Variants in TMEM222 observed in about 807,000 individuals in gnomAD.
TMEM222 encodes the protein transmembrane protein 222.
TMEM222 carries 18 observed loss-of-function variants against 25.1 expected under a neutral mutation model. The observed-to-expected ratio is 0.72, with a 90% CI of 0.50 to 1.06. TMEM222 has a LOEUF of 1.06. Ranked by LOEUF, TMEM222 falls within the 50% of genes least tolerant of loss-of-function variation. The pLI, the probability that TMEM222 is intolerant of heterozygous loss-of-function variation, is 0.00. For synonymous variants in TMEM222, 131 were observed against 117.9 expected, an observed-to-expected ratio of 1.11 and a Z score of -0.72; for missense variants, 296 against 293.7, an observed-to-expected ratio of 1.01 and a Z score of -0.06.
intron 1 of TMEM222, among the ~76,000 whole-genome samples, chr1:27,328,973 T>C (rs1220975243): frequency 6.6e-6 from 1 of 152,218 alleles, no homozygotes; most frequent in Non-Finnish European, 1.5e-5. Context: ...TGTAGGGCCA[T>C]GGTTCTCAGA....
intron 1 of TMEM222, chr1:27,325,437 T>C (rs1193749885): frequency 8.2e-7 from 1 of 1,219,226 alleles, no homozygotes; most frequent in African/African-American, 1.5e-5. Flanking sequence ...GCGGTTCCAG[T>C]GTCCGGAGGC....
At chr1:27,325,482 T>C in intron 1 of TMEM222, 3 of 1,448,882 alleles carry the variant, frequency 2.1e-6, no homozygotes, top group East Asian at 2.3e-5. Context: ...TATGGAATCT[T>C]GCGGCATCCA....
chr1:27,333,841 A>C (rs1466423163), intron 3 of TMEM222, 117 bp from the exon 4 acceptor site: 1 of 830,640 alleles, frequency 1.2e-6, no homozygotes, highest in African/African-American at 1.7e-5. Flanking sequence ...GATCTGGCTT[A>C]CTGTACATCT....
At chr1:27,326,958 G>A (rs1335539748) in intron 1 of TMEM222, among the ~76,000 whole-genome samples, 1 of 150,760 alleles carries the variant, frequency 6.6e-6, no homozygotes, top group African/African-American at 2.4e-5. Flanking sequence ...CACAGCTGTG[G>A]CGTGTGGAAT....
At chr1:27,325,620 A>G (rs2014324570) in intron 1 of TMEM222, 2 of 888,614 alleles carry the variant, frequency 2.3e-6, no homozygotes, top group Non-Finnish European at 3.8e-6. Context: ...GAAGGAGATT[A>G]ACGCCCTGGC....
At chr1:27,332,003 C>T in intron 2 of TMEM222, 67 bp from the exon 3 acceptor site, 2 of 1,573,756 alleles carry the variant, frequency 1.3e-6, no homozygotes, top group Non-Finnish European at 1.7e-6. Context: ...CTTCTGCCAC[C>T]TACCCAGGTT....
At chr1:27,325,187 A>C in intron 1 of TMEM222, 1 of 387,294 alleles carries the variant, frequency 2.6e-6, no homozygotes, top group South Asian at 2.2e-5. Context: ...CCCCTCAGAG[A>C]TGTTGGTAAT....
Position 27,330,804 on chromosome 1 carries a change from A to G in TMEM222, c.279A>G (p.Ser93=), listed in dbSNP as rs775150338. 15 of 1,614,050 alleles carry G rather than the reference A, an allele frequency of 9.3e-6. No individual in the cohort carries two copies. In the South Asian group the frequency reaches 1.6e-4, roughly 18 times the overall value. Residue 93 remains serine (S), a splice_region_variant and synonymous_variant, in exon 2 of 6, where the codon TCA becomes TCG. Coordinates refer to ENST00000374076, the MANE Select transcript of TMEM222 (RefSeq NM_032125.3). ...IRDFAGPYFV[S]EDNMAFGKPA... Reference sequence around the variant, plus strand: ...ACTTCGCGGGCCCCTACTTTGTCTCAGTGAGTCCCCATTCTGCCCACCCGG... The same window carrying G: ...ACTTCGCGGGCCCCTACTTTGTCTCGGTGAGTCCCCATTCTGCCCACCCGG...
chr1:27,332,237 G>C, intron 3 of TMEM222, 136 bp downstream of exon 3: 1 of 1,024,990 alleles, frequency 9.8e-7, no homozygotes, highest in Non-Finnish European at 1.5e-6. Flanking sequence ...GTCAGCCAGG[G>C]TCCACCAGAG....
intron 1 of TMEM222, among the ~76,000 whole-genome samples, chr1:27,323,571 C>T (rs1034521156): frequency 4.6e-5 from 7 of 151,790 alleles, no homozygotes; most frequent in East Asian, 2.0e-4. Flanking sequence ...GTAGGTAGTT[C>T]GAGACCAACC....
intron 3 of TMEM222, 142 bp downstream of exon 3, chr1:27,332,243 C>T: frequency 1.1e-6 from 1 of 919,290 alleles, no homozygotes; most frequent in Non-Finnish European, 1.8e-6. Context: ...CAGGGTCCAC[C>T]AGAGCATGGC....
At chr1:27,327,931 A>G (rs2014392066) in intron 1 of TMEM222, among the ~76,000 whole-genome samples, 1 of 152,258 alleles carries the variant, frequency 6.6e-6, no homozygotes, top group African/African-American at 2.4e-5. Context: ...TAAATGCAGG[A>G]TGTTCATTCA....
Position 27,335,589 on chromosome 1 carries a change from G to T in TMEM222, c.*123G>T, listed in dbSNP as rs1167175703. 14 of 932,832 alleles carry T rather than the reference G, an allele frequency of 1.5e-5. No homozygotes were observed. Among genetic ancestry groups the T allele is most frequent in the Non-Finnish European group, 2.3e-5 (14 of 606,058 alleles). The allele number at this position is 932,832 out of a possible 1,614,324, so 57.8% of individuals were successfully genotyped here. A position where few individuals can be genotyped will look rare whatever the true frequency, so the allele number is the denominator to read the frequency against. ...TTGGGCCTGCTGTTGTGGACCGGGGGTCGGGGCTGGCAGGATGGAAGGACT... is the reference window on the plus strand; with the variant it reads ...TTGGGCCTGCTGTTGTGGACCGGGGTTCGGGGCTGGCAGGATGGAAGGACT... On this transcript the variant is annotated 3_prime_UTR_variant, in exon 6 of 6. Transcript: ENST00000374076.
intron 1 of TMEM222, among the ~76,000 whole-genome samples, chr1:27,322,763 A>G (rs1233398664): frequency 6.6e-6 from 1 of 152,158 alleles, no homozygotes; most frequent in African/African-American, 2.4e-5. Context: ...GTCGCTTACC[A>G]TATTCCAGAC....
intron 3 of TMEM222, chr1:27,332,806 C>T (rs918284104): frequency 4.4e-6 from 2 of 452,574 alleles, no homozygotes; most frequent in African/African-American, 4.0e-5. Context: ...GCAGTGTAGT[C>T]CAGGAGTCTC....
At chr1:27,323,086 C>CTGGACAG (rs879742562) in intron 1 of TMEM222, among the ~76,000 whole-genome samples, 9 of 152,214 alleles carry the variant, frequency 5.9e-5, no homozygotes, top group Admixed American at 1.3e-4. Context: ...CGTAACCCCT[C>CTGGACAG]CTCACCGTGC....
In TMEM222 at chr1:27,335,426, G is replaced by C. The variant is rs1390331538; in HGVS notation, c.587G>C (p.Gly196Ala). ...KTWLPFILLL[G>A]IILTVSLVFN... ...TGGCTGCCCTTCATCCTTCTCCTGG[G>C]CATCATCCTCACCGTCAGCCTGGTC... is the stretch of plus-strand genomic sequence containing the variant. Residue 196 changes from glycine (G) to alanine (A), a missense_variant, in exon 6 of 6, where the codon GGC becomes GCC. Physicochemically the swap from Gly to Ala is moderately conservative, Grantham distance 60 (BLOSUM62 0). Coordinates refer to ENST00000374076, the MANE Select transcript of TMEM222 (RefSeq NM_032125.3). 1 of 1,614,202 alleles carries C rather than the reference G, an allele frequency of 6.2e-7. No individual in the cohort carries two copies. The highest frequency in any genetic ancestry group is 2.2e-5 in the East Asian group (1 of 44,892).
rs1170799965 is a variant in TMEM222, at chr1:27,335,486, C to T, written c.*20C>T. 1.2e-6 allele frequency: 2 copies of T among 1,611,926 alleles called. No homozygotes were observed. ...CGGTGATGGCTGCTCGGTGGCCCCA[C>T]ACCCACCAGGGTCCCGAGGAAACAG... On this transcript the variant is annotated 3_prime_UTR_variant, in exon 6 of 6. Transcript: ENST00000374076.
rs141514998 is a variant in TMEM222 at position 27,328,350 on chromosome 1, G to A, written c.195-2370G>A. On this transcript the variant is annotated intron_variant, in intron 1 of 5. Coordinates refer to ENST00000374076, the MANE Select transcript of TMEM222 (RefSeq NM_032125.3). ...AGAGGGGACTGAGATGAAGTTCAAG[G>A]GATAATTAGCACCACAGTGTTGGAA... Among the ~76,000 whole-genome samples the A allele has an allele frequency of 6.1e-3, 934 of 152,254 alleles. 17 individuals are homozygous for A. Among genetic ancestry groups the A allele is most frequent in the Non-Finnish European group, 6.6e-3 (446 of 68,032 alleles).
Sources: gnomAD v4.1 joint callset for allele counts (sites outside exome capture counted in the v4.1 genomes callset) on GRCh38, gnomAD v4.1.1 for gene constraint, MANE v1.5 for transcripts, NCBI Gene and HGNC (gene_info 2026-07-23, HGNC 2026-07-21) for gene names.